Variants in CEMIP observed in about 807,000 individuals in gnomAD.
CEMIP encodes the protein cell migration-inducing and hyaluronan-binding protein.
A neutral mutation model predicts 156.9 loss-of-function variants in CEMIP; 105 were observed. That is an observed-to-expected ratio of 0.67 (90% CI 0.57 to 0.79). The LOEUF (loss-of-function observed/expected upper bound fraction) is 0.79, where lower values mean the gene tolerates loss of function less well. CEMIP is among the 30% of genes least tolerant of loss of function. The pLI, the probability that CEMIP is intolerant of heterozygous loss-of-function variation, is 0.00. For missense variants in CEMIP, 1,457 were observed against 1,769.4 expected, an observed-to-expected ratio of 0.82 and a Z score of 3.17; for synonymous variants, 676 against 668.4, an observed-to-expected ratio of 1.01 and a Z score of -0.17.
chr15:80,782,566 G>A (rs1895824570), intron 1 of CEMIP, among the ~76,000 whole-genome samples: 1 of 152,158 alleles, frequency 6.6e-6, no homozygotes, highest in Non-Finnish European at 1.5e-5. Context: ...GAATGGAATT[G>A]TATAGTACCC....
chr15:80,896,118 A>G (rs1460196286), intron 12 of CEMIP, 58 bp downstream of exon 12: 2 of 1,507,650 alleles, frequency 1.3e-6, no homozygotes, highest in African/African-American at 2.8e-5. Flanking sequence ...GTTAGGCTTA[A>G]AGTAAACTGA....
chr15:80,848,927 C>CACACACACACACACACACA (rs1567068477), intron 1 of CEMIP, among the ~76,000 whole-genome samples: 4 of 139,466 alleles, frequency 2.9e-5, no homozygotes, highest in South Asian at 2.2e-4. Context: ...CACACACACA[C>CACACACACACACACACACA]CCTGGCTTCA....
chr15:80,917,914 G>A (rs1900330192), intron 14 of CEMIP, among the ~76,000 whole-genome samples: 1 of 152,230 alleles, frequency 6.6e-6, no homozygotes, highest in Non-Finnish European at 1.5e-5. Flanking sequence ...GCTGGGATAT[G>A]GAGTGTGGTC....
At chr15:80,929,467 G>GT (rs1201228137) in intron 21 of CEMIP, among the ~76,000 whole-genome samples, 1 of 152,178 alleles carries the variant, frequency 6.6e-6, no homozygotes. Context: ...ATCAGGGACT[G>GT]TGAGTCCTTT....
At position 80,932,542 on chromosome 15, in the gene CEMIP, G is replaced by C. The variant is rs1900961718; in HGVS notation, c.2793+503G>C. On this transcript the variant is annotated intron_variant, in intron 22 of 29. Coordinates refer to ENST00000394685, the MANE Select transcript of CEMIP (RefSeq NM_001293298.2). This position sits in a 1 kb window ranked among gnomAD's most constrained non-coding sequence, Gnocchi z 4.5. ...CGGAGGATTAGGAGATCAGGAGCAA[G>C]GGCTGCCCTGTGAGACCAGCCGGGG... Among the ~76,000 whole-genome samples, 1 of 152,128 alleles carries C rather than the reference G, an allele frequency of 6.6e-6. No homozygotes were observed. Among genetic ancestry groups the C allele is most frequent in the Non-Finnish European group, 1.5e-5 (1 of 68,030 alleles).
intron 12 of CEMIP, among the ~76,000 whole-genome samples, chr15:80,898,650 G>A (rs887849738): frequency 8.5e-5 from 13 of 152,104 alleles, no homozygotes; most frequent in African/African-American, 2.7e-4. Context: ...GGGCTTAAGC[G>A]ATCCTCCCTC....
At chr15:80,799,084 G>T (rs911567032) in intron 1 of CEMIP, among the ~76,000 whole-genome samples, 2 of 152,242 alleles carry the variant, frequency 1.3e-5, no homozygotes, top group African/African-American at 4.8e-5. Context: ...ACAGGAATGA[G>T]ATAAAGCTAG....
chr15:80,942,089 C>A, intron 26 of CEMIP, 36 bp downstream of exon 26: 1 of 1,593,714 alleles, frequency 6.3e-7, no homozygotes, highest in South Asian at 1.1e-5. Context: ...ACCCCTTTGC[C>A]GTCCAGTCGG....
At chr15:80,944,248 C>G (rs960991157) in intron 28 of CEMIP, among the ~76,000 whole-genome samples, 1 of 152,148 alleles carries the variant, frequency 6.6e-6, no homozygotes, top group African/African-American at 2.4e-5. Flanking sequence ...CAGCTGCACT[C>G]CAGCCTGGGT....
intron 11 of CEMIP, 138 bp downstream of exon 11, chr15:80,895,260 G>C: frequency 8.5e-7 from 1 of 1,180,600 alleles, no homozygotes; most frequent in East Asian, 2.5e-5. Flanking sequence ...GGAGCAGTGG[G>C]AGGATCCTTG....
chr15:80,888,201 A>G (rs1249369740), intron 8 of CEMIP, among the ~76,000 whole-genome samples: 1 of 151,854 alleles, frequency 6.6e-6, no homozygotes, highest in Admixed American at 6.6e-5. Context: ...TGTCTCTACT[A>G]AAATTACAAA....
chr15:80,905,078 G>GT (rs1392454420), intron 12 of CEMIP, among the ~76,000 whole-genome samples: 1 of 152,222 alleles, frequency 6.6e-6, no homozygotes, highest in African/African-American at 2.4e-5. Flanking sequence ...GCAGGCAAGA[G>GT]TCAGCTCTTC....
chr15:80,877,297 T>G (rs1898508069), intron 3 of CEMIP, among the ~76,000 whole-genome samples: 2 of 152,148 alleles, frequency 1.3e-5, no homozygotes, highest in South Asian at 4.1e-4. Flanking sequence ...AGACACCTTC[T>G]TTGCTCAAGA....
At chr15:80,844,778 G>A (rs2141717924) in intron 1 of CEMIP, among the ~76,000 whole-genome samples, 1 of 152,232 alleles carries the variant, frequency 6.6e-6, no homozygotes, top group East Asian at 1.9e-4. Flanking sequence ...CTGAGGCTGT[G>A]TAGAAACACA....
At chr15:80,880,805 C>T (rs1281750420) in intron 5 of CEMIP, 95 bp from the exon 6 acceptor site, 2 of 982,166 alleles carry the variant, frequency 2.0e-6, no homozygotes, top group Admixed American at 1.7e-5. Flanking sequence ...GGTGGGGGGT[C>T]AGGGAGCTGA....
At chr15:80,850,022 C>A (rs182269241) in intron 1 of CEMIP, among the ~76,000 whole-genome samples, 3 of 151,438 alleles carry the variant, frequency 2.0e-5, no homozygotes, top group African/African-American at 7.4e-5. Context: ...AGCTTTAGAA[C>A]AAGACTGGAG....
intron 18 of CEMIP, among the ~76,000 whole-genome samples, chr15:80,925,169 T>C (rs1336327470): frequency 6.6e-6 from 1 of 152,216 alleles, no homozygotes; most frequent in Non-Finnish European, 1.5e-5. Context: ...AAGAGACAAG[T>C]TGCTTGGTCT....
At chr15:80,898,914 C>T (rs1899343019) in intron 12 of CEMIP, among the ~76,000 whole-genome samples, 2 of 152,214 alleles carry the variant, frequency 1.3e-5, no homozygotes, top group African/African-American at 4.8e-5. Flanking sequence ...ATTCAACAAG[C>T]CATTAGAAAG....
intron 14 of CEMIP, among the ~76,000 whole-genome samples, chr15:80,918,858 C>T (rs951186126): frequency 1.3e-5 from 2 of 152,072 alleles, no homozygotes; most frequent in Admixed American, 1.3e-4. Context: ...GCCCAGGCTA[C>T]AGGCCCTCTG....
Sources: gnomAD v4.1 joint callset for allele counts (sites outside exome capture counted in the v4.1 genomes callset) on GRCh38, gnomAD v4.1.1 for gene constraint, Gnocchi (gnomAD v3.1) non-coding constraint, MANE v1.5 for transcripts, NCBI Gene and HGNC (gene_info 2026-07-23, HGNC 2026-07-21) for gene names.